The following RIMS1 variants were observed in gnomAD, a reference collection of about 807,000 sequenced individuals.
The protein encoded by RIMS1 is regulating synaptic membrane exocytosis 1.
RIMS1 carries 83 observed loss-of-function variants against 214.1 expected under a neutral mutation model. The ratio of observed to expected loss-of-function variants is 0.39; its 90% CI spans 0.32 to 0.47. The LOEUF (loss-of-function observed/expected upper bound fraction) is 0.47, where lower values mean the gene tolerates loss of function less well. Among genes scored for constraint, RIMS1 ranks in the 20% least tolerant of loss-of-function variants. RIMS1 has a pLI of 0.99. For missense variants in RIMS1, 2,050 were observed against 2,161.8 expected, an observed-to-expected ratio of 0.95 and a Z score of 1.03; for synonymous variants, 793 against 786.8, an observed-to-expected ratio of 1.01 and a Z score of -0.13.
intron 4 of RIMS1, chr6:72,126,802 G>A: frequency 4.6e-6 from 1 of 219,010 alleles, no homozygotes; most frequent in Non-Finnish European, 9.1e-6. Context: ...CCTGGATGTG[G>A]TGAATAAGGA....
At chr6:72,015,017 G>C (rs970716377) in intron 2 of RIMS1, among the ~76,000 whole-genome samples, 8 of 152,062 alleles carry the variant, frequency 5.3e-5, no homozygotes, top group African/African-American at 1.9e-4. Flanking sequence ...TAGCCAAAAT[G>C]CTTGGGACCA....
chr6:72,305,664 G>T (rs376780646), intron 26 of RIMS1, among the ~76,000 whole-genome samples: 1 of 152,026 alleles, frequency 6.6e-6, no homozygotes, highest in East Asian at 1.9e-4. Flanking sequence ...GCATTTTACT[G>T]TATAATACTC....
intron 2 of RIMS1, among the ~76,000 whole-genome samples, chr6:72,095,861 A>C (rs1032025821): frequency 1.3e-5 from 2 of 152,190 alleles, no homozygotes; most frequent in African/African-American, 4.8e-5. Flanking sequence ...AATCCAAAAA[A>C]CTAGCTCAGA....
At chr6:72,115,150 T>C (rs2036830028) in intron 4 of RIMS1, among the ~76,000 whole-genome samples, 1 of 151,992 alleles carries the variant, frequency 6.6e-6, no homozygotes, top group African/African-American at 2.4e-5. Context: ...TTATTATTAA[T>C]TGGAATGTAT....
At chr6:72,234,652 C>T (rs1250998690) in intron 7 of RIMS1, among the ~76,000 whole-genome samples, 2 of 152,046 alleles carry the variant, frequency 1.3e-5, no homozygotes, top group Non-Finnish European at 2.9e-5. Context: ...TAATGTCATG[C>T]GTCCACCATT....
At chr6:72,076,784 T>A (rs1832002129) in intron 2 of RIMS1, among the ~76,000 whole-genome samples, 1 of 152,126 alleles carries the variant, frequency 6.6e-6, no homozygotes, top group African/African-American at 2.4e-5. Flanking sequence ...TGACTTTTCC[T>A]TACTACCTCC....
At chr6:71,974,072 G>A (rs1179555909) in intron 2 of RIMS1, among the ~76,000 whole-genome samples, 1 of 152,198 alleles carries the variant, frequency 6.6e-6, no homozygotes, top group Non-Finnish European at 1.5e-5. Context: ...ATGGGAAGTT[G>A]TTTCACCAGG....
chr6:72,179,458 G>A (rs1485992390), intron 4 of RIMS1, 117 bp from the exon 5 acceptor site: 1 of 912,650 alleles, frequency 1.1e-6, no homozygotes, highest in African/African-American at 1.6e-5. Context: ...CAAGAAATTT[G>A]CAAGGATAAA....
chr6:72,175,689 A>G (rs1346163461), intron 4 of RIMS1, among the ~76,000 whole-genome samples: 2 of 151,888 alleles, frequency 1.3e-5, no homozygotes. Context: ...CAAAAAAAAA[A>G]AGAAATTATT....
intron 23 of RIMS1, among the ~76,000 whole-genome samples, chr6:72,283,686 A>G (rs1325494899): frequency 1.3e-5 from 2 of 152,136 alleles, no homozygotes; most frequent in East Asian, 3.8e-4. Flanking sequence ...TATTACCATC[A>G]TCACATTTAT....
At position 72,242,385 on chromosome 6, in the gene RIMS1, T is replaced by A; in HGVS notation, c.2029T>A (p.Leu677Ile). The A allele has an allele frequency of 6.4e-7, 1 of 1,562,648 alleles. No homozygotes were observed. Residue 677 changes from leucine to isoleucine, a missense_variant, in exon 10 of 34, where the codon TTA (leucine) becomes ATA (isoleucine). By Grantham distance (5) the Leu-to-Ile change is conservative. This residue lies in a region of RIMS1 where 111 missense variants were observed against 166.2 expected (regional missense o/e 0.67). Transcript: ENST00000521978. ...ATNEEVYNII[L>I]ESKSEPQVEI... is the part of the protein sequence containing the mutation. The stretch of plus-strand genomic sequence containing the variant: ...AAATGAAGAAGTTTACAACATTATT[T>A]TAGAATCAAAATCAGAACCTCAAGT...
intron 1 of RIMS1, among the ~76,000 whole-genome samples, chr6:71,897,361 C>T (rs915198317): frequency 1.3e-4 from 20 of 152,128 alleles, no homozygotes; most frequent in African/African-American, 4.8e-4. Flanking sequence ...ATGTCTCTCC[C>T]ATAAAACCCG....
chr6:72,210,689 T>C (rs1481591673), intron 6 of RIMS1, among the ~76,000 whole-genome samples: 1 of 152,252 alleles, frequency 6.6e-6, no homozygotes, highest in Non-Finnish European at 1.5e-5. Flanking sequence ...TTGATTATTA[T>C]TGCTTTTGTT....
chr6:72,022,725 T>C (rs1426433934), intron 2 of RIMS1, among the ~76,000 whole-genome samples: 3 of 152,250 alleles, frequency 2.0e-5, no homozygotes, highest in Admixed American at 1.3e-4. Flanking sequence ...TTTTTTCCCA[T>C]TTAAAATATT....
chr6:72,199,338 A>AT (rs548672051), intron 6 of RIMS1, among the ~76,000 whole-genome samples: 54 of 152,216 alleles, frequency 3.5e-4, no homozygotes, highest in Middle Eastern at 3.4e-3. Context: ...ACTTAACTAC[A>AT]TTTTTCTCTG....
At chr6:72,295,954 T>C (rs892645653) in intron 26 of RIMS1, 17 of 536,128 alleles carry the variant, frequency 3.2e-5, no homozygotes, top group Non-Finnish European at 3.9e-5. Context: ...AAAATATAAC[T>C]CTTCCACAAA....
At chr6:72,211,370 C>G (rs2154006726) in intron 6 of RIMS1, among the ~76,000 whole-genome samples, 1 of 152,226 alleles carries the variant, frequency 6.6e-6, no homozygotes, top group Non-Finnish European at 1.5e-5. Context: ...TACATCCTAT[C>G]AAAGTAAATT....
rs772247587 is a variant in RIMS1, at chr6:72,284,079, A to T, written c.3515A>T (p.Gln1172Leu). 6.2e-7 allele frequency: 1 copy of T among 1,612,440 alleles called. No individual in the cohort carries two copies. The highest frequency in any genetic ancestry group is 2.2e-5 in the East Asian group (1 of 44,840). The change falls in exon 24 of 34, where the codon CAA (glutamine) becomes CTA (leucine). Residue 1172 changes from glutamine (Q) to leucine (L), a missense_variant. Transcript: ENST00000521978. ...HSRKSERSSI[Q>L]KQTRKGTASD... is the part of the protein sequence containing the mutation. ...AGAAAGTCTGAAAGATCTAGCATCC[A>T]AAAACAGACTAGGAAAGGCACTGCC...
intron 29 of RIMS1, among the ~76,000 whole-genome samples, chr6:72,341,118 TTTGCAC>T (rs530910068): frequency 0.014 from 2,133 of 152,182 alleles, 52 homozygotes; most frequent in African/African-American, 0.048. Context: ...TCTTGTGGTT[TTTGCAC>T]ATTGATTTTG....
Sources: allele counts gnomAD v4.1 joint callset (sites outside exome capture counted in the v4.1 genomes callset), GRCh38; gene constraint gnomAD v4.1.1; regional missense constraint gnomAD v4.1.1; transcripts MANE v1.5; gene names NCBI Gene and HGNC (gene_info 2026-07-23, HGNC 2026-07-21).